Variants in SLC25A26 observed in about 807,000 individuals in gnomAD.
SLC25A26 encodes the protein solute carrier family 25 member 26, also known as mitochondrial S-adenosylmethionine carrier protein.
Under a neutral mutation model 37.8 loss-of-function variants are expected in SLC25A26, and 36 were observed. The observed-to-expected ratio is 0.95, with a 90% confidence interval of 0.73 to 1.26. The LOEUF (loss-of-function observed/expected upper bound fraction) is 1.26. SLC25A26 is among the 50% of genes most tolerant of loss of function. SLC25A26 has a pLI of 0.00. For missense variants in SLC25A26, 390 were observed against 331.1 expected, an observed-to-expected ratio of 1.18 and a Z score of -1.38; for synonymous variants, 129 against 122.5, an observed-to-expected ratio of 1.05 and a Z score of -0.35.
At chr3:66,141,805 C>T (rs749136218) in intron 1 of SLC25A26, among the ~76,000 whole-genome samples, 4 of 152,174 alleles carry the variant, frequency 2.6e-5, no homozygotes, top group Non-Finnish European at 5.9e-5. Context: ...TGGGCCACTG[C>T]GCCGGTCTTG....
intron 1 of SLC25A26, among the ~76,000 whole-genome samples, chr3:66,148,797 A>T (rs1266348446): frequency 6.6e-6 from 1 of 152,126 alleles, no homozygotes; most frequent in Admixed American, 6.6e-5. Context: ...GGCTTAAGTG[A>T]TCTTCCTGTG....
At chr3:66,268,049 A>AT (rs2073824104) in intron 5 of SLC25A26, among the ~76,000 whole-genome samples, 2 of 152,196 alleles carry the variant, frequency 1.3e-5, no homozygotes, top group South Asian at 2.1e-4. Flanking sequence ...GATCTTCTGT[A>AT]TTTTTTGTTG....
intron 2 of SLC25A26, among the ~76,000 whole-genome samples, chr3:66,239,842 A>G (rs1039496806): frequency 1.6e-5 from 2 of 128,004 alleles, no homozygotes; most frequent in African/African-American, 6.0e-5. Context: ...TTTTTTTTTA[A>G]CAGTGGATTA....
intron 5 of SLC25A26, among the ~76,000 whole-genome samples, chr3:66,318,611 T>C (rs925956392): frequency 6.6e-6 from 1 of 152,112 alleles, no homozygotes; most frequent in African/African-American, 2.4e-5. Context: ...CAGAGCTGTT[T>C]CTGTTCAGCC....
At chr3:66,260,191 C>T (rs551799830) in intron 3 of SLC25A26, among the ~76,000 whole-genome samples, 1 of 152,048 alleles carries the variant, frequency 6.6e-6, no homozygotes, top group African/African-American at 2.4e-5. Context: ...TTTGTCCATG[C>T]GCCCCACCCC....
chr3:66,168,198 TATAC>T (rs1170071519), intron 1 of SLC25A26, among the ~76,000 whole-genome samples: 8 of 122,400 alleles, frequency 6.5e-5, no homozygotes, highest in African/African-American at 1.9e-4. Flanking sequence ...TATATATATA[TATAC>T]ACACACACAC....
intron 1 of SLC25A26, among the ~76,000 whole-genome samples, chr3:66,192,332 A>AAT (rs1362023420): frequency 4.6e-5 from 7 of 151,264 alleles, no homozygotes; most frequent in Non-Finnish European, 7.4e-5. Context: ...AAAAAAAAAA[A>AAT]AAAGAGAGAG....
At chr3:66,192,097 AC>A (rs2070953829) in intron 1 of SLC25A26, among the ~76,000 whole-genome samples, 1 of 151,748 alleles carries the variant, frequency 6.6e-6, no homozygotes, top group African/African-American at 2.4e-5. Flanking sequence ...CAGGCAGATC[AC>A]GAGGTCAGGA....
intron 5 of SLC25A26, among the ~76,000 whole-genome samples, chr3:66,309,229 G>A (rs201243015): frequency 6.6e-6 from 1 of 152,280 alleles, no homozygotes; most frequent in East Asian, 1.9e-4. Flanking sequence ...CTTCTTCCTG[G>A]TTTAGTCTTG....
At chr3:66,219,901 A>G (rs1559582348), upstream of SLC25A26, among the ~76,000 whole-genome samples, 1 of 152,186 alleles carries the variant, frequency 6.6e-6, no homozygotes, top group Non-Finnish European at 1.5e-5. Context: ...AGAAAACTTA[A>G]TCTTGGAAAA....
At chr3:66,368,853 A>G (rs1294344931) in intron 7 of SLC25A26, among the ~76,000 whole-genome samples, 1 of 152,008 alleles carries the variant, frequency 6.6e-6, no homozygotes, top group Non-Finnish European at 1.5e-5. Context: ...CCCTGTCTCT[A>G]TAGAAAATTT....
At chr3:66,245,657 T>C (rs1330580497) in intron 3 of SLC25A26, among the ~76,000 whole-genome samples, 6 of 152,256 alleles carry the variant, frequency 3.9e-5, no homozygotes, top group Non-Finnish European at 7.3e-5. Flanking sequence ...TGATGCACTT[T>C]TTTTCTTTAG....
intron 5 of SLC25A26, among the ~76,000 whole-genome samples, chr3:66,273,573 AT>A (rs1213087328): frequency 3.3e-5 from 5 of 152,318 alleles, no homozygotes; most frequent in African/African-American, 1.2e-4. Flanking sequence ...TACAAAATCA[AT>A]GTACAAAAAT....
chr3:66,334,818 G>A (rs529533577), intron 5 of SLC25A26, among the ~76,000 whole-genome samples: 2 of 150,476 alleles, frequency 1.3e-5, no homozygotes, highest in African/African-American at 2.4e-5. Context: ...GGAAATACAC[G>A]TGTGATGTAT....
intron 1 of SLC25A26, among the ~76,000 whole-genome samples, chr3:66,235,650 G>C (rs1164344243): frequency 1.1e-4 from 16 of 152,130 alleles, no homozygotes; most frequent in Admixed American, 1.0e-3. Flanking sequence ...CTGCTTATTA[G>C]TTAAGACAAC....
intron 1 of SLC25A26, among the ~76,000 whole-genome samples, chr3:66,213,399 CAAAAAAAAAAAAA>C (rs1169648803): frequency 9.4e-4 from 27 of 28,832 alleles, no homozygotes; most frequent in Non-Finnish European, 8.3e-4. Flanking sequence ...GACTCTGTCT[CAAAAAAAAAAAAA>C]AAAAAAAAAA....
intron 5 of SLC25A26, among the ~76,000 whole-genome samples, chr3:66,285,931 T>C (rs1189475351): frequency 6.6e-6 from 1 of 152,174 alleles, no homozygotes; most frequent in Non-Finnish European, 1.5e-5. Flanking sequence ...CTGTTTCTCA[T>C]AGTGGTTTTA....
intron 5 of SLC25A26, among the ~76,000 whole-genome samples, chr3:66,308,226 A>G (rs2075280286): frequency 6.6e-6 from 1 of 152,034 alleles, no homozygotes; most frequent in Non-Finnish European, 1.5e-5. Context: ...CATCTCTTGT[A>G]AGTTGTATTC....
chr3:66,373,794 T>C (rs1265833526), intron 9 of SLC25A26, among the ~76,000 whole-genome samples: 3 of 152,030 alleles, frequency 2.0e-5, no homozygotes, highest in Admixed American at 1.3e-4. Flanking sequence ...TTTAAACCCA[T>C]AGCTAGCTAA....
Sources: allele counts gnomAD v4.1 joint callset (sites outside exome capture counted in the v4.1 genomes callset), GRCh38; gene constraint gnomAD v4.1.1; transcripts MANE v1.5; gene names NCBI Gene and HGNC (gene_info 2026-07-23, HGNC 2026-07-21).